The following THAP6 variants were observed in gnomAD, a reference collection of about 807,000 sequenced individuals.
THAP6 encodes the protein THAP domain containing 6.
A neutral mutation model predicts 20.0 loss-of-function variants in THAP6; 13 were observed. That is an observed-to-expected ratio of 0.65 (90% CI 0.42 to 1.03). The LOEUF (loss-of-function observed/expected upper bound fraction) is 1.03, where lower values mean the gene tolerates loss of function less well. Ranked by LOEUF, THAP6 falls within the 50% of genes least tolerant of loss-of-function variation. The pLI is 0.00. For synonymous variants in THAP6, 93 were observed against 92.2 expected (o/e 1.01, Z -0.05); for missense variants, 262 against 261.6 (o/e 1.00, Z -0.01).
chr4:75,520,424 A>G (rs564964075), intron 3 of THAP6, among the ~76,000 whole-genome samples: 25 of 152,324 alleles, frequency 1.6e-4, no homozygotes, highest in African/African-American at 5.8e-4. Context: ...TTGCAAATTT[A>G]TAGTCTTACC....
chr4:75,543,462 T>C (rs1283009865), intron 3 of THAP6, among the ~76,000 whole-genome samples: 1 of 152,228 alleles, frequency 6.6e-6, no homozygotes, highest in African/African-American at 2.4e-5. Context: ...GGTATGTTCC[T>C]CACAACTTCA....
At chr4:75,531,751 G>A (rs570753139), downstream of THAP6, among the ~76,000 whole-genome samples, 46 of 150,994 alleles carry the variant, frequency 3.0e-4, 1 homozygote, top group South Asian at 8.6e-3. Context: ...ATGACAGCAG[G>A]CAAAAAGAGC....
chr4:75,517,015 ACT>A, intron 3 of THAP6, 36 bp downstream of exon 3: 5 of 1,138,514 alleles, frequency 4.4e-6, no homozygotes, highest in Non-Finnish European at 5.9e-6. Context: ...ATCATTGCTC[ACT>A]TTTTTTTTTT....
intron 4 of THAP6, among the ~76,000 whole-genome samples, chr4:75,526,439 A>G (rs1726372912): frequency 6.6e-6 from 1 of 152,230 alleles, no homozygotes; most frequent in African/African-American, 2.4e-5. Context: ...CATACCCAGC[A>G]AATTTAAGCA....
chr4:75,521,728 C>T lies in THAP6; in HGVS notation c.289-8C>T, dbSNP rs752297810. ...CACTTGATGATTATTATTAACTACT[C>T]TTAACAGGGGAAAAGAGAAAAACTT... On this transcript the variant is annotated splice_region_variant and splice_polypyrimidine_tract_variant and intron_variant, in intron 3 of 4. Transcript: ENST00000311638. 1.9e-6 allele frequency: 3 copies of T among 1,600,292 alleles called. No homozygotes were observed. The highest frequency in any genetic ancestry group is 2.6e-6 in the Non-Finnish European group (3 of 1,172,088).
At chr4:75,515,407 C>G in intron 1 of THAP6, 26 bp from the exon 2 acceptor site, 1 of 1,597,308 alleles carries the variant, frequency 6.3e-7, no homozygotes, top group Non-Finnish European at 8.6e-7. Context: ...CGGTTACTAA[C>G]TCTTAACATT....
chr4:75,526,334 A>G (rs932968329), intron 4 of THAP6, among the ~76,000 whole-genome samples: 2 of 152,158 alleles, frequency 1.3e-5, no homozygotes, highest in Admixed American at 1.3e-4. Context: ...ACTAATTTTA[A>G]TATTAAATAA....
In THAP6 at chr4:75,516,845, A is replaced by G; in HGVS notation, c.154A>G (p.Ile52Val). The change falls in exon 3 of 5, where the codon ATT (isoleucine) becomes GTT (valine). Residue 52 changes from isoleucine (I) to valine (V), a missense_variant. Ile to Val is a conservative substitution (Grantham distance 29, BLOSUM62 3). Coordinates refer to ENST00000311638, the MANE Select transcript of THAP6 (RefSeq NM_144721.6). ...AAGACTTGATGTGAATGCAGCCGGC[A>G]TTTGGGAGCCTAAAAAAGGAGATGT... is the stretch of plus-strand genomic sequence containing the variant. ...MKRLDVNAAG[I>V]WEPKKGDVLC... 2.5e-6 allele frequency: 4 copies of G among 1,614,148 alleles called. No individual in the cohort carries two copies. Among genetic ancestry groups the G allele is most frequent in the African/African-American group, 2.7e-5 (2 of 75,028 alleles).
chr4:75,545,511 C>T (rs995243863), intron 3 of THAP6, among the ~76,000 whole-genome samples: 1 of 152,174 alleles, frequency 6.6e-6, no homozygotes, highest in Non-Finnish European at 1.5e-5. Context: ...AGGCCACCTT[C>T]AAGTCAGTGC....
chr4:75,515,409 C>G (rs1553921938), intron 1 of THAP6, 24 bp from the exon 2 acceptor site: 2 of 1,601,086 alleles, frequency 1.2e-6, no homozygotes, highest in Admixed American at 3.3e-5. Context: ...GTTACTAACT[C>G]TTAACATTCT....
At chr4:75,544,138 C>T (rs1159108477) in intron 3 of THAP6, among the ~76,000 whole-genome samples, 1 of 152,096 alleles carries the variant, frequency 6.6e-6, no homozygotes, top group Non-Finnish European at 1.5e-5. Flanking sequence ...GTATAATATA[C>T]TCTAATGCAT....
downstream of THAP6, among the ~76,000 whole-genome samples, chr4:75,533,029 G>A (rs1428733268): frequency 2.6e-5 from 4 of 152,134 alleles, no homozygotes; most frequent in African/African-American, 7.2e-5. Context: ...TTCTGCAGCC[G>A]GCTTGAATTT....
At chr4:75,526,843 A>T in intron 4 of THAP6, 117 bp from the exon 5 acceptor site, 1 of 1,438,310 alleles carries the variant, frequency 7.0e-7, no homozygotes. Context: ...AACCTCTATC[A>T]CCAACTTAAA....
At chr4:75,540,081 C>A in intron 2 of THAP6, 2 of 1,127,960 alleles carry the variant, frequency 1.8e-6, no homozygotes, top group Non-Finnish European at 1.2e-6. Flanking sequence ...CCTCTCACTC[C>A]AATACTGACA....
intron 3 of THAP6, chr4:75,544,422 T>A (rs1727080855): frequency 6.6e-6 from 1 of 152,226 alleles, no homozygotes; most frequent in Non-Finnish European, 1.5e-5. Flanking sequence ...TGGCGCAATC[T>A]CGGCTCACTA....
intron 1 of THAP6, among the ~76,000 whole-genome samples, chr4:75,515,199 A>T (rs1725475020): frequency 6.6e-6 from 1 of 152,134 alleles, no homozygotes; most frequent in African/African-American, 2.4e-5. Flanking sequence ...TGGAAGGAAA[A>T]TGTACAAGCC....
chr4:75,514,063 C>T, upstream of THAP6: 2 of 1,394,780 alleles, frequency 1.4e-6, no homozygotes, highest in Non-Finnish European at 9.6e-7. Context: ...CAAGAAGAAC[C>T]CAGTTCCAGG....
downstream of THAP6, among the ~76,000 whole-genome samples, chr4:75,534,777 A>C (rs1726802905): frequency 6.6e-6 from 1 of 152,254 alleles, no homozygotes; most frequent in South Asian, 2.1e-4. Context: ...TCAAAAGAAG[A>C]CATTTATGCA....
At position 75,517,140 on chromosome 4, in the gene THAP6, C is replaced by G. The variant is rs191231282; in HGVS notation, c.288+161C>G. 503 of 554,520 alleles carry G rather than the reference C, an allele frequency of 9.1e-4. 3 individuals carry two copies. The African/African-American group carries it at 9.1e-3, about 10-fold the overall frequency. 34.3% of individuals were successfully genotyped at this position (554,520 alleles called of 1,614,324 possible). ...TTTAAGCAATTCTCTGCCTCAGCCTCCCGAGAAGCTGGGATTACAGGCACC... is the reference window on the plus strand; with the variant it reads ...TTTAAGCAATTCTCTGCCTCAGCCTGCCGAGAAGCTGGGATTACAGGCACC... On this transcript the variant is annotated intron_variant, in intron 3 of 4. Transcript: ENST00000311638.
Sources: gnomAD v4.1 joint callset for allele counts (sites outside exome capture counted in the v4.1 genomes callset) on GRCh38, gnomAD v4.1.1 for gene constraint, MANE v1.5 for transcripts, NCBI Gene and HGNC (gene_info 2026-07-23, HGNC 2026-07-21) for gene names.